Variants in UTP23 observed in about 807,000 individuals in gnomAD.
UTP23 encodes the protein rRNA-processing protein UTP23 homolog.
Under a neutral mutation model 19.8 loss-of-function variants are expected in UTP23, and 10 were observed. The ratio of observed to expected loss-of-function variants is 0.50; its 90% CI spans 0.31 to 0.86. UTP23 has a LOEUF of 0.86. Ranked by LOEUF, UTP23 falls within the 40% of genes least tolerant of loss-of-function variation. The pLI is 0.05. For missense variants in UTP23, 282 were observed against 293.1 expected (o/e 0.96, Z 0.28); for synonymous variants, 108 against 105.4 (o/e 1.02, Z -0.15).
chr8:116,767,487 C>T (rs1382712745), intron 1 of UTP23, among the ~76,000 whole-genome samples: 3 of 152,174 alleles, frequency 2.0e-5, no homozygotes, highest in Non-Finnish European at 2.9e-5. Flanking sequence ...TTCCCCACTT[C>T]ATTGAAATGT....
Position 116,774,189 on chromosome 8 carries a change from A to G in UTP23, c.*2347A>G, listed in dbSNP as rs537904467. ...AAAAGGGGTGTTTCTGAAGACCACT[A>G]TCTTTTACGAACACTTAAAAATAAG... On this transcript the variant is annotated 3_prime_UTR_variant, in exon 3 of 3. Coordinates refer to ENST00000309822, the MANE Select transcript of UTP23 (RefSeq NM_032334.3). 1.7e-4 allele frequency: 163 copies of G among 985,350 alleles called. No individual in the cohort carries two copies. The Middle Eastern group carries it at 6.3e-3, about 38-fold the overall frequency. The allele number at this position is 985,350 out of a possible 1,614,324, so 61.0% of individuals were successfully genotyped here. A position where few individuals can be genotyped will look rare whatever the true frequency, so the allele number is the denominator to read the frequency against.
chr8:116,774,011 A>G lies in UTP23; in HGVS notation c.*2169A>G. ...TTTATTTTTTCATACAACTTGGGGA[A>G]GGGAACCATGGGAGTATGCACATGG... On this transcript the variant is annotated 3_prime_UTR_variant, in exon 3 of 3. Coordinates refer to ENST00000309822, the MANE Select transcript of UTP23 (RefSeq NM_032334.3). 2 of 985,372 alleles carry G rather than the reference A, an allele frequency of 2.0e-6. No homozygotes were observed. Among genetic ancestry groups the G allele is most frequent in the Non-Finnish European group, 2.4e-6 (2 of 829,910 alleles). The allele number at this position is 985,372 out of a possible 1,614,324, so 61.0% of individuals were successfully genotyped here.
chr8:116,767,174 G>A (rs763127215), intron 1 of UTP23, among the ~76,000 whole-genome samples: 8 of 152,184 alleles, frequency 5.3e-5, no homozygotes, highest in Non-Finnish European at 1.2e-4. Context: ...GCTCAAACGA[G>A]TATAGTGTAC....
rs1815681368 is a variant in UTP23 at position 116,773,152 on chromosome 8, G to A, written c.*1310G>A. 1.0e-6 allele frequency: 1 copy of A among 985,402 alleles called. No homozygotes were observed. Among genetic ancestry groups the A allele is most frequent in the Non-Finnish European group, 1.2e-6 (1 of 829,922 alleles). The allele number at this position is 985,402 out of a possible 1,614,324, so 61.0% of individuals were successfully genotyped here. On this transcript the variant is annotated 3_prime_UTR_variant, in exon 3 of 3. Coordinates refer to ENST00000309822, the MANE Select transcript of UTP23 (RefSeq NM_032334.3). ...GACTAATCTGGCAAGCCAAGGTAGT[G>A]TTTGGATTGCAATGTCATGATTCTA... is the stretch of plus-strand genomic sequence containing the variant.
At position 116,768,735 on chromosome 8, in the gene UTP23, G is replaced by T. The variant is rs538098449; in HGVS notation, c.189-1457G>T. Among the ~76,000 whole-genome samples, 4 of 152,300 alleles carry T rather than the reference G, an allele frequency of 2.6e-5. No homozygotes were observed. In the East Asian group the frequency reaches 5.8e-4, roughly 22 times the overall value. On this transcript the variant is annotated intron_variant, in intron 1 of 2. Transcript: ENST00000309822. ...GCTGGAGTGCAGTGGTGCGATCATG[G>T]CTCACTGCAGCCTCCGCCTCCCGGG... is the stretch of plus-strand genomic sequence containing the variant.
intron 1 of UTP23, among the ~76,000 whole-genome samples, chr8:116,767,183 A>G (rs1287837905): frequency 6.6e-6 from 1 of 152,236 alleles, no homozygotes; most frequent in African/African-American, 2.4e-5. Flanking sequence ...AGTATAGTGT[A>G]CTAGAGCATT....
chr8:116,767,473 A>T (rs1452066825), intron 1 of UTP23, among the ~76,000 whole-genome samples: 1 of 152,190 alleles, frequency 6.6e-6, no homozygotes, highest in Non-Finnish European at 1.5e-5. Context: ...TCTAGGTCTG[A>T]TGTTTCCCCA....
chr8:116,771,397 C>T, intron 2 of UTP23, 59 bp from the exon 3 acceptor site: 1 of 1,308,982 alleles, frequency 7.6e-7, no homozygotes, highest in Non-Finnish European at 1.0e-6. Flanking sequence ...TTCTTGAAAA[C>T]CTATTTAAGG....
Position 116,772,743 on chromosome 8 carries a change from T to C in UTP23, c.*901T>C, listed in dbSNP as rs1414083554. On this transcript the variant is annotated 3_prime_UTR_variant, in exon 3 of 3. Transcript: ENST00000309822. ...TGACTGTGAATGTTATTGAAAAGTG[T>C]CTAAATTAGTCTGAGGATCAATGAG... is the stretch of plus-strand genomic sequence containing the variant. 6 of 985,284 alleles carry C rather than the reference T, an allele frequency of 6.1e-6. No homozygotes were observed. Among genetic ancestry groups the C allele is most frequent in the African/African-American group, 1.7e-5 (1 of 57,228 alleles). The allele number at this position is 985,284 out of a possible 1,614,324, so 61.0% of individuals were successfully genotyped here. A position where few individuals can be genotyped will look rare whatever the true frequency, so the allele number is the denominator to read the frequency against.
At chr8:116,771,373 TA>T in intron 2 of UTP23, 82 bp from the exon 3 acceptor site, 1 of 1,185,334 alleles carries the variant, frequency 8.4e-7, no homozygotes, top group Admixed American at 3.0e-5. Context: ...TGATCTCTTT[TA>T]TTTTTAATAC....
In UTP23 at chr8:116,771,528, G is replaced by T. The variant is rs1815651198; in HGVS notation, c.436G>T (p.Val146Phe). 1.2e-6 allele frequency: 2 copies of T among 1,607,344 alleles called. No homozygotes were observed. The highest frequency in any genetic ancestry group is 1.3e-5 in the African/African-American group (1 of 74,474). The change falls in exon 3 of 3, where the codon GTT (valine) becomes TTT (phenylalanine). Residue 146 changes from valine to phenylalanine, a missense_variant. Val to Phe is a conservative substitution (Grantham distance 50). Transcript: ENST00000309822. ...CATGTTTATTATTCAGAACACTATGGTTTTGGACAAACCTTCTCCCAAAAC... is the reference window on the plus strand; with the variant it reads ...CATGTTTATTATTCAGAACACTATGTTTTTGGACAAACCTTCTCCCAAAAC... ...PLMFIIQNTM[V>F]LDKPSPKTIA... is the part of the protein sequence containing the mutation.
At position 116,772,181 on chromosome 8, in the gene UTP23, C is replaced by CAA; in HGVS notation, c.*348_*349dup. On this transcript the variant is annotated 3_prime_UTR_variant, in exon 3 of 3. Transcript: ENST00000309822. ...TGGGCAACAGAGTGAGAACATGTCT[C>CAA]AAAAAAAAAATAAAAACAGTGAATG... is the stretch of plus-strand genomic sequence containing the variant. 1.1e-6 allele frequency: 1 copy of CAA among 930,628 alleles called. No individual in the cohort carries two copies. The highest frequency in any genetic ancestry group is 1.3e-6 in the Non-Finnish European group (1 of 778,324). 57.6% of individuals were successfully genotyped at this position (930,628 alleles called of 1,614,324 possible).
chr8:116,773,239 G>C lies in UTP23; in HGVS notation c.*1397G>C, dbSNP rs896802386. ...GAAGGTAAAAATACTGGAAAAAAGT[G>C]AATAGTGTAGGTTTTGTGAGGAAAG... On this transcript the variant is annotated 3_prime_UTR_variant, in exon 3 of 3. Coordinates refer to ENST00000309822, the MANE Select transcript of UTP23 (RefSeq NM_032334.3). The C allele has an allele frequency of 1.0e-6, 1 of 985,296 alleles. No homozygotes were observed. Among genetic ancestry groups the C allele is most frequent in the Non-Finnish European group, 1.2e-6 (1 of 829,936 alleles). 61.0% of individuals were successfully genotyped at this position (985,296 alleles called of 1,614,324 possible).
In UTP23 at chr8:116,772,833, A is replaced by C; in HGVS notation, c.*991A>C. ...TCTGAATTCCCCCGGCAATTGTTTT[A>C]GTCATTTATCAGGCCAAAATTAAAA... is the stretch of plus-strand genomic sequence containing the variant. On this transcript the variant is annotated 3_prime_UTR_variant, in exon 3 of 3. Transcript: ENST00000309822. 7 of 985,418 alleles carry C rather than the reference A, an allele frequency of 7.1e-6. No individual in the cohort carries two copies. The highest frequency in any genetic ancestry group is 8.4e-6 in the Non-Finnish European group (7 of 829,912). 61.0% of individuals were successfully genotyped at this position (985,418 alleles called of 1,614,324 possible).
chr8:116,770,186 T>C lies in UTP23; in HGVS notation c.189-6T>C. On this transcript the variant is annotated splice_polypyrimidine_tract_variant and splice_region_variant and intron_variant, in intron 1 of 2. Transcript: ENST00000309822. The stretch of plus-strand genomic sequence containing the variant: ...GAAATGTATCTGCTATAATTTTTCT[T>C]TTCAGATGTGTGTTAAAAGAGCTAG... 6.3e-7 allele frequency: 1 copy of C among 1,584,292 alleles called. No individual in the cohort carries two copies. Among genetic ancestry groups the C allele is most frequent in the Non-Finnish European group, 8.6e-7 (1 of 1,159,118 alleles).
At chr8:116,768,568 T>C (rs183827403) in intron 1 of UTP23, among the ~76,000 whole-genome samples, 9 of 152,372 alleles carry the variant, frequency 5.9e-5, no homozygotes, top group Admixed American at 6.5e-5. Flanking sequence ...TTATCACTTC[T>C]TTGGCATGTA....
chr8:116,774,676 T>A lies in UTP23; in HGVS notation c.*2834T>A. 1 of 834,666 alleles carries A rather than the reference T, an allele frequency of 1.2e-6. No individual in the cohort carries two copies. Among genetic ancestry groups the A allele is most frequent in the African/African-American group, 1.9e-5 (1 of 54,036 alleles). The allele number at this position is 834,666 out of a possible 1,614,324, so 51.7% of individuals were successfully genotyped here. Reference sequence around the variant, plus strand: ...TTTGCCGGTAAAATTAAAAGATATTTTAACAAAAGTCTCATCTCCTTGTAC... The same window carrying A: ...TTTGCCGGTAAAATTAAAAGATATTATAACAAAAGTCTCATCTCCTTGTAC... On this transcript the variant is annotated 3_prime_UTR_variant, in exon 3 of 3. Transcript: ENST00000309822.
In UTP23 at chr8:116,772,821, G is replaced by A. The variant is rs765874388; in HGVS notation, c.*979G>A. 1.4e-5 allele frequency: 14 copies of A among 985,204 alleles called. No individual in the cohort carries two copies. Among genetic ancestry groups the A allele is most frequent in the African/African-American group, 7.0e-5 (4 of 57,190 alleles). 61.0% of individuals were successfully genotyped at this position (985,204 alleles called of 1,614,324 possible). ...GAAACGTGTCTCTCTGAATTCCCCC[G>A]GCAATTGTTTTAGTCATTTATCAGG... On this transcript the variant is annotated 3_prime_UTR_variant, in exon 3 of 3. Transcript: ENST00000309822.
chr8:116,772,754 C>T lies in UTP23; in HGVS notation c.*912C>T. ...GTTATTGAAAAGTGTCTAAATTAGTCTGAGGATCAATGAGGGTCAATTCAG... is the reference window on the plus strand; with the variant it reads ...GTTATTGAAAAGTGTCTAAATTAGTTTGAGGATCAATGAGGGTCAATTCAG... On this transcript the variant is annotated 3_prime_UTR_variant, in exon 3 of 3. Transcript: ENST00000309822. 1 of 985,294 alleles carries T rather than the reference C, an allele frequency of 1.0e-6. No homozygotes were observed. The highest frequency in any genetic ancestry group is 1.2e-6 in the Non-Finnish European group (1 of 829,866). 61.0% of individuals were successfully genotyped at this position (985,294 alleles called of 1,614,324 possible).
Sources: allele counts gnomAD v4.1 joint callset (sites outside exome capture counted in the v4.1 genomes callset), GRCh38; gene constraint gnomAD v4.1.1; transcripts MANE v1.5; gene names NCBI Gene and HGNC (gene_info 2026-07-23, HGNC 2026-07-21).